GRIP1: variants seen among roughly 807,000 people sequenced by gnomAD.
GRIP1 encodes glutamate receptor-interacting protein 1.
GRIP1 carries 45 observed loss-of-function variants against 129.9 expected under a neutral mutation model. The ratio of observed to expected loss-of-function variants is 0.35; its 90% CI spans 0.27 to 0.44. GRIP1 has a LOEUF of 0.44. Among genes scored for constraint, GRIP1 ranks in the 20% least tolerant of loss-of-function variants. The pLI is 1.00. For synonymous variants in GRIP1, 530 were observed against 520.8 expected (o/e 1.02, Z -0.24); for missense variants, 1,196 against 1,396.8 (o/e 0.86, Z 2.29).
chr12:66,761,409 G>A (rs2037471482), intron 1 of GRIP1, among the ~76,000 whole-genome samples: 1 of 152,028 alleles, frequency 6.6e-6, no homozygotes, highest in African/African-American at 2.4e-5. Flanking sequence ...TTTGCTTATT[G>A]TTTCCTTACC....
intron 1 of GRIP1, among the ~76,000 whole-genome samples, chr12:66,608,449 C>T (rs1277617724): frequency 6.6e-6 from 1 of 152,198 alleles, no homozygotes; most frequent in Non-Finnish European, 1.5e-5. Context: ...TCTGCTGCCT[C>T]AGCCTACTGA....
intron 1 of GRIP1, among the ~76,000 whole-genome samples, chr12:66,884,153 T>C (rs747423968): frequency 3.3e-5 from 5 of 152,184 alleles, no homozygotes; most frequent in Non-Finnish European, 7.3e-5. Context: ...AGCACAGAAA[T>C]GGGGAAATGC....
intron 1 of GRIP1, among the ~76,000 whole-genome samples, chr12:66,791,161 C>A (rs1291499354): frequency 6.6e-6 from 1 of 152,146 alleles, no homozygotes; most frequent in Non-Finnish European, 1.5e-5. Flanking sequence ...TCTAAGTGAA[C>A]CAGGCATCTG....
intron 1 of GRIP1, among the ~76,000 whole-genome samples, chr12:67,048,166 TA>T (rs2043284110): frequency 6.7e-6 from 1 of 150,256 alleles, no homozygotes. Flanking sequence ...AAAAAAAAGG[TA>T]TTCCTGTTAA....
chr12:66,776,990 T>C (rs1373439669), intron 1 of GRIP1, among the ~76,000 whole-genome samples: 3 of 152,208 alleles, frequency 2.0e-5, no homozygotes, highest in Non-Finnish European at 2.9e-5. Context: ...CCAGGATATA[T>C]ACACGGTCTT....
intron 2 of GRIP1, among the ~76,000 whole-genome samples, chr12:66,562,134 C>T (rs374832558): frequency 2.8e-4 from 43 of 152,094 alleles, no homozygotes; most frequent in African/African-American, 5.5e-4. Flanking sequence ...CAAAAGAATA[C>T]GCTGTCAATC....
chr12:67,010,595 A>G (rs1174040272), intron 1 of GRIP1, among the ~76,000 whole-genome samples: 1 of 152,154 alleles, frequency 6.6e-6, no homozygotes, highest in Non-Finnish European at 1.5e-5. Flanking sequence ...GAGTTTCAAA[A>G]CCAGATATGA....
rs1477212046 is a variant in GRIP1, at chr12:66,784,817, C to T, written c.-420+19236G>A. On this transcript the variant is annotated intron_variant, in intron 1 of 4. Coordinates refer to the GRIP1 transcript ENST00000538373. ...TCTCTGTTATTTTTCTATAAAGTCT[C>T]GTCTTGAACAGAATAGACACCTTCT... Among the ~76,000 whole-genome samples, 8 of 152,250 alleles carry T rather than the reference C, an allele frequency of 5.3e-5. No homozygotes were observed. In the South Asian group the frequency reaches 1.5e-3, roughly 28 times the overall value.
Position 66,371,600 on chromosome 12 carries a change from G to C in GRIP1, c.3012+94C>G, listed in dbSNP as rs954894741. The stretch of plus-strand genomic sequence containing the variant: ...CTTCTTTGCTTGGCTGAGCCCATAG[G>C]AGGATACCATTGCCATGCTTACATC... On this transcript the variant is annotated intron_variant, in intron 23 of 24. Coordinates refer to ENST00000359742, the MANE Select transcript of GRIP1 (RefSeq NM_001366722.1). 3.6e-6 allele frequency: 3 copies of C among 826,004 alleles called. No homozygotes were observed. The African/African-American group carries it at 5.0e-5, about 14-fold the overall frequency. 51.2% of individuals were successfully genotyped at this position (826,004 alleles called of 1,614,324 possible). A position where few individuals can be genotyped will look rare whatever the true frequency, so the allele number is the denominator to read the frequency against.
chr12:67,010,932 G>C (rs545823169), intron 1 of GRIP1, among the ~76,000 whole-genome samples: 2 of 152,200 alleles, frequency 1.3e-5, no homozygotes, highest in Admixed American at 6.5e-5. Context: ...ATAAATGCTT[G>C]AGTTCTCAGG....
At chr12:66,579,735 C>T (rs536964821) in intron 2 of GRIP1, among the ~76,000 whole-genome samples, 11 of 151,962 alleles carry the variant, frequency 7.2e-5, no homozygotes, top group Admixed American at 7.2e-4. Flanking sequence ...CAAACAAAGC[C>T]TCCAAGAAAT....
chr12:66,962,684 T>C (rs374523732), intron 1 of GRIP1, among the ~76,000 whole-genome samples: 13 of 152,172 alleles, frequency 8.5e-5, no homozygotes, highest in African/African-American at 3.1e-4. Context: ...AGGTCCTAAA[T>C]AAAGATCCGT....
At chr12:66,831,647 C>T (rs1374423948) in intron 1 of GRIP1, among the ~76,000 whole-genome samples, 1 of 152,158 alleles carries the variant, frequency 6.6e-6, no homozygotes, top group African/African-American at 2.4e-5. Context: ...TGTGGTCACA[C>T]AGCTGGAAAA....
chr12:67,047,747 AG>A (rs371413498), intron 1 of GRIP1, among the ~76,000 whole-genome samples: 202 of 152,288 alleles, frequency 1.3e-3, no homozygotes, highest in African/African-American at 4.7e-3. Flanking sequence ...TTTGTGGAAA[AG>A]CTTTTTCAGT....
At chr12:66,454,831 G>T (rs982384758) in intron 11 of GRIP1, among the ~76,000 whole-genome samples, 2 of 152,170 alleles carry the variant, frequency 1.3e-5, no homozygotes, top group African/African-American at 4.8e-5. Context: ...GATTACCAGT[G>T]GGGTAGGCTT....
intron 16 of GRIP1, among the ~76,000 whole-genome samples, chr12:66,404,966 A>T (rs2057139120): frequency 6.6e-6 from 1 of 152,204 alleles, no homozygotes; most frequent in Admixed American, 6.5e-5. Flanking sequence ...TGGGAGGTGG[A>T]GGTTGCAGTG....
At chr12:66,358,515 C>T (rs139017274) in intron 23 of GRIP1, among the ~76,000 whole-genome samples, 3,102 of 152,220 alleles carry the variant, frequency 0.02, 105 homozygotes, top group African/African-American at 0.071. Context: ...GGCGCGATCT[C>T]GGCTCACTGC....
At chr12:66,839,614 A>G (rs1455731507) in intron 1 of GRIP1, among the ~76,000 whole-genome samples, 2 of 152,190 alleles carry the variant, frequency 1.3e-5, no homozygotes, top group East Asian at 3.9e-4. Flanking sequence ...ACAATGAAGA[A>G]AGATATCCCC....
chr12:66,974,997 A>C (rs1276432952), intron 1 of GRIP1, among the ~76,000 whole-genome samples: 1 of 152,186 alleles, frequency 6.6e-6, no homozygotes, highest in African/African-American at 2.4e-5. Context: ...GCACTGAAGG[A>C]GACATGGACA....
Sources: gnomAD v4.1 joint callset for allele counts (sites outside exome capture counted in the v4.1 genomes callset) on GRCh38, gnomAD v4.1.1 for gene constraint, MANE v1.5 for transcripts, NCBI Gene and HGNC (gene_info 2026-07-23, HGNC 2026-07-21) for gene names.